SCARB1: variants seen among roughly 807,000 people sequenced by gnomAD.
SCARB1 encodes CD36 and LIMPII analogous 1.
SCARB1 carries 30 observed loss-of-function variants against 57.2 expected under a neutral mutation model. The ratio of observed to expected loss-of-function variants is 0.52; its 90% CI spans 0.39 to 0.71. The LOEUF is 0.71. Among genes scored for constraint, SCARB1 ranks in the 30% least tolerant of loss-of-function variants. SCARB1 has a pLI of 0.00. For synonymous variants in SCARB1, 249 were observed against 268.3 expected (o/e 0.93, Z 0.70); for missense variants, 543 against 671.2 (o/e 0.81, Z 2.11).
chr12:124,790,165 T>C lies in SCARB1; in HGVS notation c.1203-2708A>G, dbSNP rs1307015971. On this transcript the variant is annotated intron_variant, in intron 9 of 12. Transcript: ENST00000261693. ...TGAGGTGGGAGGATCACTTGCACCC[T>C]GGAGTTCAAGACCAGCCTGGGCAAC... 2.0e-5 allele frequency among the ~76,000 whole-genome samples: 3 copies of C among 151,476 alleles called. No individual in the cohort carries two copies. In the East Asian group the frequency reaches 5.8e-4, roughly 29 times the overall value.
chr12:124,844,614 A>G (rs1444254376), intron 1 of SCARB1, among the ~76,000 whole-genome samples: 1 of 151,992 alleles, frequency 6.6e-6, no homozygotes, highest in Non-Finnish European at 1.5e-5. Context: ...CGCCCTTAAA[A>G]GAGGAGATTA....
intron 1 of SCARB1, among the ~76,000 whole-genome samples, chr12:124,860,627 C>T (rs992101106): frequency 1.4e-4 from 21 of 152,216 alleles, no homozygotes; most frequent in Non-Finnish European, 4.4e-5. Context: ...TGGCCGTAAT[C>T]ATCAAAACTC....
chr12:124,835,633 G>A (rs181953422), intron 1 of SCARB1, among the ~76,000 whole-genome samples: 5 of 150,296 alleles, frequency 3.3e-5, no homozygotes, highest in Non-Finnish European at 5.9e-5. Context: ...CATCCTCCCC[G>A]CCCCCACTAA....
chr12:124,800,289 G>T lies in SCARB1; in HGVS notation c.1010-47C>A. ...GACATCAGACAAGGACAGTATATTG[G>T]CAGGTCCTGCCAGGCCGGAGGTCTG... On this transcript the variant is annotated intron_variant, in intron 7 of 12. Transcript: ENST00000261693. The surrounding 1 kb of genome is among the most constrained non-coding windows in gnomAD (Gnocchi z 4.8). The T allele has an allele frequency of 6.9e-7, 1 of 1,448,498 alleles. No individual in the cohort carries two copies. The highest frequency in any genetic ancestry group is 9.7e-7 in the Non-Finnish European group (1 of 1,032,938). The allele number at this position is 1,448,498 out of a possible 1,614,324, so 89.7% of individuals were successfully genotyped here. A position where few individuals can be genotyped will look rare whatever the true frequency, so the allele number is the denominator to read the frequency against.
At chr12:124,790,836 G>A (rs188459813) in intron 9 of SCARB1, among the ~76,000 whole-genome samples, 72 of 152,334 alleles carry the variant, frequency 4.7e-4, no homozygotes, top group African/African-American at 1.6e-3. Flanking sequence ...TGGCAGGCCC[G>A]AGCCCTTCCA....
intron 8 of SCARB1, among the ~76,000 whole-genome samples, chr12:124,797,699 CG>C (rs1949990142): frequency 6.6e-6 from 1 of 152,082 alleles, no homozygotes; most frequent in South Asian, 2.1e-4. Flanking sequence ...TGGAATTCTC[CG>C]GAAGCCAGCA....
chr12:124,853,238 G>T (rs530701696), intron 1 of SCARB1, among the ~76,000 whole-genome samples: 1 of 152,204 alleles, frequency 6.6e-6, no homozygotes, highest in Non-Finnish European at 1.5e-5. Flanking sequence ...CATGTGACAC[G>T]TTGGAGGAAA....
intron 9 of SCARB1, among the ~76,000 whole-genome samples, chr12:124,793,650 G>A (rs1337129559): frequency 5.1e-5 from 7 of 138,534 alleles, no homozygotes; most frequent in Non-Finnish European, 9.0e-5. Flanking sequence ...CCGAGATCGC[G>A]CCACTGCACT....
Position 124,782,917 on chromosome 12 carries a change from A to T in SCARB1, c.1402-106T>A, listed in dbSNP as rs927930843. The T allele has an allele frequency of 4.1e-6, 5 of 1,208,860 alleles. No homozygotes were observed. In the South Asian group the frequency reaches 6.2e-5, roughly 15 times the overall value. The allele number at this position is 1,208,860 out of a possible 1,614,324, so 74.9% of individuals were successfully genotyped here. A position where few individuals can be genotyped will look rare whatever the true frequency, so the allele number is the denominator to read the frequency against. ...GGCAAAGAGGAAACAGGAAAGGCAC[A>T]TAAGTTTAGAGTCCAACAACCCTCA... is the stretch of plus-strand genomic sequence containing the variant. On this transcript the variant is annotated intron_variant, in intron 11 of 12. Coordinates refer to ENST00000261693, the MANE Select transcript of SCARB1 (RefSeq NM_005505.5).
chr12:124,823,164 G>C (rs139993922), intron 1 of SCARB1, among the ~76,000 whole-genome samples: 126 of 152,288 alleles, frequency 8.3e-4, no homozygotes, highest in African/African-American at 3.0e-3. Flanking sequence ...TCTGTTTCCT[G>C]ATCTGGTTGC....
intron 1 of SCARB1, among the ~76,000 whole-genome samples, chr12:124,859,266 G>A (rs542313257): frequency 5.9e-4 from 90 of 152,060 alleles, no homozygotes; most frequent in Admixed American, 1.1e-3. Flanking sequence ...GGTGGCTCAC[G>A]CCTGTAATTC....
chr12:124,783,945 G>A (rs947056584), intron 11 of SCARB1: 2 of 152,244 alleles, frequency 1.3e-5, no homozygotes, highest in South Asian at 4.1e-4. Flanking sequence ...GGATTTGAGG[G>A]TGGGATGCTG....
rs1594218352 is a variant in SCARB1 at position 124,796,837 on chromosome 12, T to TAGA, written c.1129-1572_1129-1570dup. ...GGATGGGCATGAGATCACCCGTGAG[T>TAGA]AGAACAGAGTTCACGCCACAGGCCT... On this transcript the variant is annotated intron_variant, in intron 8 of 12. Transcript: ENST00000261693. The surrounding 1 kb of genome is among the most constrained non-coding windows in gnomAD (Gnocchi z 4.0). Among the ~76,000 whole-genome samples the TAGA allele has an allele frequency of 6.6e-6, 1 of 152,018 alleles. No individual in the cohort carries two copies. The highest frequency in any genetic ancestry group is 2.4e-5 in the African/African-American group (1 of 41,390).
At chr12:124,820,535 G>C (rs894723617) in intron 1 of SCARB1, among the ~76,000 whole-genome samples, 2 of 151,588 alleles carry the variant, frequency 1.3e-5, no homozygotes, top group South Asian at 2.1e-4. Context: ...CTCAGGCCCC[G>C]ATCGCCCAGC....
At chr12:124,832,579 G>A (rs12581963) in intron 1 of SCARB1, among the ~76,000 whole-genome samples, 14,927 of 151,316 alleles carry the variant, frequency 0.099, 828 homozygotes, top group Middle Eastern at 0.18. Flanking sequence ...GCTCTGTCGC[G>A]GCAATACAGG....
Position 124,789,587 on chromosome 12 carries a change from G to A in SCARB1, c.1203-2130C>T, listed in dbSNP as rs1949649647. 6.6e-6 allele frequency among the ~76,000 whole-genome samples: 1 copy of A among 152,154 alleles called. No homozygotes were observed. The highest frequency in any genetic ancestry group is 1.9e-4 in the East Asian group (1 of 5,196). On this transcript the variant is annotated intron_variant, in intron 9 of 12. Transcript: ENST00000261693. The surrounding 1 kb of genome is among the most constrained non-coding windows in gnomAD (Gnocchi z 4.4). ...GGGAAGAGTATCCTGGAATACCTAGGTAGGCCCCAGAGAATCACAAAAGTC... is the reference window on the plus strand; with the variant it reads ...GGGAAGAGTATCCTGGAATACCTAGATAGGCCCCAGAGAATCACAAAAGTC...
At chr12:124,780,516 G>A (rs1422316115) in intron 12 of SCARB1, among the ~76,000 whole-genome samples, 2 of 152,206 alleles carry the variant, frequency 1.3e-5, no homozygotes, top group Non-Finnish European at 2.9e-5. Flanking sequence ...GTGGCCTGCA[G>A]GGGGACCACC....
At chr12:124,859,087 T>C (rs998072277) in intron 1 of SCARB1, among the ~76,000 whole-genome samples, 2 of 152,062 alleles carry the variant, frequency 1.3e-5, no homozygotes, top group Non-Finnish European at 2.9e-5. Context: ...TCTCACTATG[T>C]TGCCCACGCT....
chr12:124,854,148 G>A (rs1163202374), intron 1 of SCARB1, among the ~76,000 whole-genome samples: 1 of 152,218 alleles, frequency 6.6e-6, no homozygotes, highest in Admixed American at 6.5e-5. Flanking sequence ...GGTAAGGAGG[G>A]CTGGCAGCAC....
Sources: gnomAD v4.1 joint callset for allele counts (sites outside exome capture counted in the v4.1 genomes callset) on GRCh38, gnomAD v4.1.1 for gene constraint, Gnocchi (gnomAD v3.1) non-coding constraint, MANE v1.5 for transcripts, NCBI Gene and HGNC (gene_info 2026-07-23, HGNC 2026-07-21) for gene names.